SLC1A1: variants seen among roughly 807,000 people sequenced by gnomAD.
SLC1A1 encodes solute carrier family 1 member 1, also known as excitatory amino acid transporter 3.
In SLC1A1, 43 loss-of-function variants were observed where a neutral mutation model predicts 53.3. The observed-to-expected ratio is 0.81, with a 90% CI of 0.63 to 1.04. The LOEUF (loss-of-function observed/expected upper bound fraction) is 1.04. Among genes scored for constraint, SLC1A1 ranks in the 50% least tolerant of loss-of-function variants. The pLI is 0.00. For missense variants in SLC1A1, 748 were observed against 664.9 expected, an observed-to-expected ratio of 1.12 and a Z score of -1.37; for synonymous variants, 307 against 243.2, an observed-to-expected ratio of 1.26 and a Z score of -2.44.
intron 2 of SLC1A1, among the ~76,000 whole-genome samples, chr9:4,557,423 G>C (rs554740118): frequency 1.3e-5 from 2 of 152,292 alleles, no homozygotes; most frequent in African/African-American, 4.8e-5. Context: ...CTAAACACTG[G>C]TAGGGTCTAG....
rs543173609 is a variant in SLC1A1 at position 4,539,494 on chromosome 9, T to C, written c.92-5073T>C. Among the ~76,000 whole-genome samples, 8 of 151,826 alleles carry C rather than the reference T, an allele frequency of 5.3e-5. No individual in the cohort carries two copies. In the South Asian group the frequency reaches 1.2e-3, roughly 24 times the overall value. On this transcript the variant is annotated intron_variant, in intron 1 of 11. Transcript: ENST00000262352. The stretch of plus-strand genomic sequence containing the variant: ...CATCTTCTCTTTTAAACTTTCATCT[T>C]TGAACTTAAAGATGATCCCTAGCTG...
In SLC1A1 at chr9:4,549,801, A is replaced by G. The variant is rs1817779985; in HGVS notation, c.232+5094A>G. ...TCCATACCATAGTACCTGCTGGGTT[A>G]TTGCAACCACCCTGCTTGTAGAACC... On this transcript the variant is annotated intron_variant, in intron 2 of 11. Transcript: ENST00000262352. This position sits in a 1 kb window ranked among gnomAD's most constrained non-coding sequence, Gnocchi z 4.1. Among the ~76,000 whole-genome samples, 1 of 152,214 alleles carries G rather than the reference A, an allele frequency of 6.6e-6. No individual in the cohort carries two copies. The highest frequency in any genetic ancestry group is 2.1e-4 in the South Asian group (1 of 4,814).
intron 1 of SLC1A1, among the ~76,000 whole-genome samples, chr9:4,538,885 GTTC>G (rs1816781412): frequency 6.6e-6 from 1 of 152,184 alleles, no homozygotes; most frequent in South Asian, 2.1e-4. Context: ...GTCAGTAAGT[GTTC>G]TTCTAAACTT....
intron 6 of SLC1A1, among the ~76,000 whole-genome samples, chr9:4,570,804 G>C (rs1011461100): frequency 6.6e-6 from 1 of 151,980 alleles, no homozygotes; most frequent in African/African-American, 2.4e-5. Flanking sequence ...AGCTACTTGG[G>C]AGGCTGAGGT....
intron 1 of SLC1A1, among the ~76,000 whole-genome samples, chr9:4,495,299 T>C (rs566177641): frequency 1.3e-5 from 2 of 152,300 alleles, no homozygotes; most frequent in South Asian, 2.1e-4. Context: ...ACTTAAGCCA[T>C]TCATTCATTT....
chr9:4,548,919 T>C (rs866356262), intron 2 of SLC1A1, among the ~76,000 whole-genome samples: 1 of 152,202 alleles, frequency 6.6e-6, no homozygotes. Flanking sequence ...GAGGAATATC[T>C]GTGTTTGGGA....
chr9:4,534,547 C>A (rs561421988), intron 1 of SLC1A1, among the ~76,000 whole-genome samples: 175 of 152,112 alleles, frequency 1.2e-3, no homozygotes, highest in Non-Finnish European at 2.2e-3. Flanking sequence ...CAATAACAGG[C>A]TCTGAAATTG....
intron 2 of SLC1A1, among the ~76,000 whole-genome samples, chr9:4,553,132 A>AGCT (rs1818072635): frequency 1.3e-5 from 2 of 152,270 alleles, no homozygotes; most frequent in South Asian, 4.1e-4. Context: ...GCCATTAGCT[A>AGCT]GCTGCTGCTG....
At chr9:4,518,119 C>G (rs1320553116) in intron 1 of SLC1A1, among the ~76,000 whole-genome samples, 4 of 150,636 alleles carry the variant, frequency 2.7e-5, no homozygotes, top group Admixed American at 6.6e-5. Flanking sequence ...GCCTGTAATC[C>G]CAGCTACTCA....
chr9:4,545,213 C>CTCTCTCTCTCTCTCTCTCTCTG (rs1564023437), intron 2 of SLC1A1, among the ~76,000 whole-genome samples: 1 of 151,328 alleles, frequency 6.6e-6, no homozygotes, highest in Non-Finnish European at 1.5e-5. Flanking sequence ...CTCTCTCTCT[C>CTCTCTCTCTCTCTCTCTCTCTG]TCTCTCCACC....
chr9:4,500,259 C>T (rs1243018661), intron 1 of SLC1A1, among the ~76,000 whole-genome samples: 1 of 152,118 alleles, frequency 6.6e-6, no homozygotes. Flanking sequence ...GTTTAAACTC[C>T]CCATAGCAGT....
At chr9:4,524,176 A>G (rs1156307607) in intron 1 of SLC1A1, among the ~76,000 whole-genome samples, 1 of 152,258 alleles carries the variant, frequency 6.6e-6, no homozygotes, top group Non-Finnish European at 1.5e-5. Context: ...GTTTTAATAT[A>G]ACAAGTTCTT....
At chr9:4,544,858 G>A in intron 2 of SLC1A1, 151 bp downstream of exon 2, 1 of 722,556 alleles carries the variant, frequency 1.4e-6, no homozygotes, top group Non-Finnish European at 2.3e-6. Flanking sequence ...CACAATCATG[G>A]CGGAAGGCAA....
chr9:4,531,213 G>A (rs1470669630), intron 1 of SLC1A1, among the ~76,000 whole-genome samples: 4 of 152,204 alleles, frequency 2.6e-5, no homozygotes, highest in Non-Finnish European at 4.4e-5. Context: ...GTGGGTGCAG[G>A]ACAGTGGGTG....
At chr9:4,515,045 C>G (rs991483326) in intron 1 of SLC1A1, among the ~76,000 whole-genome samples, 10 of 151,944 alleles carry the variant, frequency 6.6e-5, no homozygotes, top group Non-Finnish European at 1.3e-4. Flanking sequence ...CTCTCTCTCT[C>G]TCCCCCAACC....
rs937834673 is a variant in SLC1A1 at position 4,549,528 on chromosome 9, T to C, written c.232+4821T>C. ...AGGGATGCCCCTCTGCTTAGCTGCTTGCCTCCAGGAGGCTAGAGTTCATCT... is the reference window on the plus strand; with the variant it reads ...AGGGATGCCCCTCTGCTTAGCTGCTCGCCTCCAGGAGGCTAGAGTTCATCT... On this transcript the variant is annotated intron_variant, in intron 2 of 11. Coordinates refer to ENST00000262352, the MANE Select transcript of SLC1A1 (RefSeq NM_004170.6). This position sits in a 1 kb window ranked among gnomAD's most constrained non-coding sequence, Gnocchi z 4.1. Among the ~76,000 whole-genome samples the C allele has an allele frequency of 1.3e-5, 2 of 152,292 alleles. No individual in the cohort carries two copies. The highest frequency in any genetic ancestry group is 2.9e-5 in the Non-Finnish European group (2 of 68,014).
rs574565754 is a variant in SLC1A1, at chr9:4,582,802, G to A, written c.1194-236G>A. Among the ~76,000 whole-genome samples, 11 of 152,156 alleles carry A rather than the reference G, an allele frequency of 7.2e-5. No homozygotes were observed. In the South Asian group the frequency reaches 1.7e-3, roughly 23 times the overall value. On this transcript the variant is annotated intron_variant, in intron 10 of 11. Coordinates refer to ENST00000262352, the MANE Select transcript of SLC1A1 (RefSeq NM_004170.6). ...GTTCTTCCTTGCATTAGAGTGATGT[G>A]CCATATCTCCGTCTGCAAGGAGATG... is the stretch of plus-strand genomic sequence containing the variant.
chr9:4,567,766 A>G lies in SLC1A1; in HGVS notation c.581A>G (p.Lys194Arg), dbSNP rs751679743. The G allele has an allele frequency of 6.3e-6, 10 of 1,584,034 alleles. No individual in the cohort carries two copies. The South Asian group carries it at 8.9e-5, about 14-fold the overall frequency. The change falls in exon 6 of 12, where the codon AAG becomes AGG. Residue 194 changes from lysine to arginine, a missense_variant and splice_region_variant. By Grantham distance (26) the Lys-to-Arg change is conservative (BLOSUM62 2). Coordinates refer to ENST00000262352, the MANE Select transcript of SLC1A1 (RefSeq NM_004170.6). ...GCTGTCATGACAACTGCAATTTCCA[A>G]GGTACCATTCTTATTTCCTGTTCCT... ...FTAVMTTAIS[K>R]NKTKEYKIVG... is the part of the protein sequence containing the mutation.
Position 4,549,588 on chromosome 9 carries a change from C to G in SLC1A1, c.232+4881C>G, listed in dbSNP as rs1249888138. The stretch of plus-strand genomic sequence containing the variant: ...TTCCAAGCTTTCCTGCACCCCAGAT[C>G]CCAGAACCTGACACCAAGTTCTAAG... On this transcript the variant is annotated intron_variant, in intron 2 of 11. Coordinates refer to ENST00000262352, the MANE Select transcript of SLC1A1 (RefSeq NM_004170.6). The surrounding 1 kb of genome is among the most constrained non-coding windows in gnomAD (Gnocchi z 4.1). Among the ~76,000 whole-genome samples, 1 of 152,166 alleles carries G rather than the reference C, an allele frequency of 6.6e-6. No homozygotes were observed. The highest frequency in any genetic ancestry group is 1.5e-5 in the Non-Finnish European group (1 of 68,030).
Sources: gnomAD v4.1 joint callset for allele counts (sites outside exome capture counted in the v4.1 genomes callset) on GRCh38, gnomAD v4.1.1 for gene constraint, Gnocchi (gnomAD v3.1) non-coding constraint, MANE v1.5 for transcripts, NCBI Gene and HGNC (gene_info 2026-07-23, HGNC 2026-07-21) for gene names.